Variants in PINX1 observed in about 807,000 individuals in gnomAD.
PINX1 encodes the protein PIN2/TERF1-interacting telomerase inhibitor 1.
Under a neutral mutation model 25.4 loss-of-function variants are expected in PINX1, and 34 were observed. The ratio of observed to expected loss-of-function variants is 1.34; its 90% CI spans 1.02 to 1.78. PINX1 has a LOEUF of 1.78. Among genes scored for constraint, PINX1 ranks in the 40% most tolerant of loss-of-function variants. The pLI, the probability that PINX1 is intolerant of heterozygous loss-of-function variation, is 0.00. For missense variants in PINX1, 592 were observed against 404.9 expected (o/e 1.46, Z -3.97); for synonymous variants, 197 against 147.7 (o/e 1.33, Z -2.42).
At chr8:10,793,047 T>C (rs1291142400) in intron 6 of PINX1, among the ~76,000 whole-genome samples, 1 of 152,138 alleles carries the variant, frequency 6.6e-6, no homozygotes, top group Non-Finnish European at 1.5e-5. Context: ...CGGCGTGCCA[T>C]TCTGACCCTC....
intron 6 of PINX1, among the ~76,000 whole-genome samples, chr8:10,816,062 C>A (rs978281031): frequency 6.6e-6 from 1 of 152,028 alleles, no homozygotes; most frequent in Admixed American, 6.6e-5. Context: ...GGGTCACGGG[C>A]GGTGTTGGAG....
intron 5 of PINX1, chr8:10,825,409 A>C: frequency 1.9e-6 from 1 of 534,818 alleles, no homozygotes. Flanking sequence ...TCTTATGTAA[A>C]CTATGTAATA....
chr8:10,796,620 C>T (rs1445468739), intron 6 of PINX1, among the ~76,000 whole-genome samples: 1 of 152,096 alleles, frequency 6.6e-6, no homozygotes, highest in Non-Finnish European at 1.5e-5. Context: ...AGAAAACAAA[C>T]TTGCTCACTC....
chr8:10,831,736 C>T lies in PINX1; in HGVS notation c.230G>A (p.Trp77Ter), dbSNP rs1488960645. 1.3e-6 allele frequency: 2 copies of T among 1,584,152 alleles called. No homozygotes were observed. Among genetic ancestry groups the T allele is most frequent in the East Asian group, 2.3e-5 (1 of 44,284 alleles). Residue 77 changes from tryptophan (W) to a stop codon, truncating the protein, a stop_gained, in exon 4 of 7, where the codon TGG (tryptophan) becomes TAG (stop). Coordinates refer to ENST00000314787, the MANE Select transcript of PINX1 (RefSeq NM_017884.6). LOFTEE classifies it high-confidence loss of function. ...LGATINNEDN[W>*]IAHQDDFNQL... ...GTTAAAATCATCCTGATGGGCAATC[C>T]AGTTGTCCTGAAAATATCAAAGAAA...
At chr8:10,781,476 A>C (rs964701858) in intron 6 of PINX1, among the ~76,000 whole-genome samples, 2 of 152,220 alleles carry the variant, frequency 1.3e-5, no homozygotes, top group African/African-American at 4.8e-5. Flanking sequence ...TCTGAAACTT[A>C]AAAAGAACTC....
intron 4 of PINX1, among the ~76,000 whole-genome samples, chr8:10,827,844 G>A (rs1225143901): frequency 6.8e-6 from 1 of 146,986 alleles, no homozygotes; most frequent in Non-Finnish European, 1.5e-5. Context: ...CTGGGAGGCA[G>A]AGCTTGCAGC....
intron 6 of PINX1, among the ~76,000 whole-genome samples, chr8:10,790,245 A>G (rs1241938443): frequency 6.6e-6 from 1 of 152,190 alleles, no homozygotes; most frequent in Non-Finnish European, 1.5e-5. Flanking sequence ...AGCACAGCAA[A>G]TGACAGAAAA....
At chr8:10,787,834 A>G (rs1379011706) in intron 6 of PINX1, 2 of 456,230 alleles carry the variant, frequency 4.4e-6, no homozygotes, top group South Asian at 3.1e-5. Flanking sequence ...AACTGCAAAG[A>G]AAAAAGAGAG....
intron 6 of PINX1, among the ~76,000 whole-genome samples, chr8:10,785,293 T>C (rs188843442): frequency 1.3e-5 from 2 of 152,352 alleles, no homozygotes; most frequent in East Asian, 3.9e-4. Flanking sequence ...TGCATTATTC[T>C]ATGGAAGGAT....
chr8:10,820,138 G>C, intron 6 of PINX1, 55 bp downstream of exon 6: 1 of 1,120,776 alleles, frequency 8.9e-7, no homozygotes, highest in African/African-American at 1.5e-5. Flanking sequence ...CCTATACACA[G>C]GTGAAAATCA....
intron 6 of PINX1, among the ~76,000 whole-genome samples, chr8:10,797,906 C>G (rs6985218): frequency 0.23 from 34,510 of 152,168 alleles, 4,084 homozygotes; most frequent in East Asian, 0.33. Flanking sequence ...AGGAGAATCT[C>G]AGCCATCTAC....
At chr8:10,823,574 G>A (rs758339617) in intron 5 of PINX1, among the ~76,000 whole-genome samples, 1 of 151,992 alleles carries the variant, frequency 6.6e-6, no homozygotes, top group African/African-American at 2.4e-5. Flanking sequence ...AAATAAGTAT[G>A]ATAAAACTGA....
intron 6 of PINX1, among the ~76,000 whole-genome samples, chr8:10,771,685 A>C (rs948246270): frequency 6.6e-6 from 1 of 152,186 alleles, no homozygotes; most frequent in African/African-American, 2.4e-5. Context: ...ACTGGCCCCA[A>C]ATGCTTTGTG....
At chr8:10,773,102 G>T (rs1374719696) in intron 6 of PINX1, among the ~76,000 whole-genome samples, 4 of 152,156 alleles carry the variant, frequency 2.6e-5, no homozygotes, top group African/African-American at 7.2e-5. Context: ...TACAATAGGT[G>T]CTAAGTAAAT....
chr8:10,816,578 C>T (rs1222810399), intron 6 of PINX1, among the ~76,000 whole-genome samples: 1 of 152,234 alleles, frequency 6.6e-6, no homozygotes, highest in East Asian at 1.9e-4. Context: ...AACAGCTCAC[C>T]TCTGACTACA....
At chr8:10,812,650 T>C (rs558004292) in intron 6 of PINX1, among the ~76,000 whole-genome samples, 1 of 152,332 alleles carries the variant, frequency 6.6e-6, no homozygotes, top group Non-Finnish European at 1.5e-5. Context: ...TAACATGCTT[T>C]CCAGACGCCA....
At chr8:10,800,983 G>A (rs1802248194) in intron 6 of PINX1, among the ~76,000 whole-genome samples, 1 of 152,164 alleles carries the variant, frequency 6.6e-6, no homozygotes, top group Admixed American at 6.5e-5. Context: ...GCCCCTGGGG[G>A]AGTCCCTGGC....
intron 1 of PINX1, among the ~76,000 whole-genome samples, chr8:10,836,620 T>A (rs989825311): frequency 3.2e-5 from 4 of 123,726 alleles, no homozygotes; most frequent in Non-Finnish European, 6.4e-5. Context: ...TCAATTCCTC[T>A]CCCCTGGGAA....
At chr8:10,825,882 A>T (rs1265966025) in intron 5 of PINX1, among the ~76,000 whole-genome samples, 1 of 152,242 alleles carries the variant, frequency 6.6e-6, no homozygotes, top group Non-Finnish European at 1.5e-5. Flanking sequence ...CTCTAAATAT[A>T]AGCTGATTCC....
Sources: allele counts gnomAD v4.1 joint callset (sites outside exome capture counted in the v4.1 genomes callset), GRCh38; gene constraint gnomAD v4.1.1; transcripts MANE v1.5; gene names NCBI Gene and HGNC (gene_info 2026-07-23, HGNC 2026-07-21).